Variants in TRIP12 observed in about 807,000 individuals in gnomAD.
TRIP12 encodes thyroid hormone receptor interactor 12.
Under a neutral mutation model 244.2 loss-of-function variants are expected in TRIP12, and 25 were observed. The observed-to-expected ratio is 0.10, with a 90% CI of 0.07 to 0.14. The LOEUF is 0.14. TRIP12 is among the 10% of genes least tolerant of loss of function. The pLI, the probability that TRIP12 is intolerant of heterozygous loss-of-function variation, is 1.00. For synonymous variants in TRIP12, 905 were observed against 873.1 expected, an observed-to-expected ratio of 1.04 and a Z score of -0.64; for missense variants, 1,677 against 2,486.4, an observed-to-expected ratio of 0.67 and a Z score of 6.92.
intron 1 of TRIP12, among the ~76,000 whole-genome samples, chr2:229,906,764 T>C (rs1287757149): frequency 6.6e-6 from 1 of 151,234 alleles, no homozygotes; most frequent in African/African-American, 2.4e-5. Flanking sequence ...ATTTATCCTC[T>C]AGCGATTAAA....
intron 18 of TRIP12, among the ~76,000 whole-genome samples, chr2:229,805,197 G>A (rs549202879): frequency 8.8e-6 from 1 of 113,308 alleles, no homozygotes; most frequent in Non-Finnish European, 2.0e-5. Flanking sequence ...GAGACACCAT[G>A]CCCAGCACTA....
chr2:229,774,648 C>G (rs866875760), intron 37 of TRIP12, among the ~76,000 whole-genome samples: 4 of 151,990 alleles, frequency 2.6e-5, no homozygotes, highest in Middle Eastern at 3.2e-3. Context: ...AAGTATACAG[C>G]CAATACTAAT....
In TRIP12 at chr2:229,829,833, T is replaced by C. The variant is rs540322088; in HGVS notation, c.1355-545A>G. On this transcript the variant is annotated intron_variant, in intron 7 of 41. Transcript: ENST00000675903. Reference sequence around the variant, plus strand: ...GTGCAGTGGCAGGCACCTGTAATTCTAGCTACTCAGGAGGATGAAGCAGGA... The same window carrying C: ...GTGCAGTGGCAGGCACCTGTAATTCCAGCTACTCAGGAGGATGAAGCAGGA... 7.2e-5 allele frequency among the ~76,000 whole-genome samples: 11 copies of C among 152,178 alleles called. No individual in the cohort carries two copies. In the East Asian group the frequency reaches 2.1e-3, roughly 29 times the overall value.
At chr2:229,881,587 CAT>C (rs1257450487) in intron 1 of TRIP12, among the ~76,000 whole-genome samples, 1 of 152,134 alleles carries the variant, frequency 6.6e-6, no homozygotes, top group Non-Finnish European at 1.5e-5. Flanking sequence ...GTTTCTATCA[CAT>C]ATGTCCAAAT....
upstream of TRIP12, chr2:229,922,451 C>T (rs1338485935): frequency 3.3e-6 from 5 of 1,537,350 alleles, no homozygotes; most frequent in East Asian, 6.7e-5. Context: ...GGTTTTGGCC[C>T]CTTGACCCCA....
rs1285034507 is a variant in TRIP12 at position 229,810,948 on chromosome 2, A to G, written c.2153T>C (p.Met718Thr). The G allele has an allele frequency of 1.9e-6, 3 of 1,614,154 alleles. No individual in the cohort carries two copies. The highest frequency in any genetic ancestry group is 2.2e-5 in the South Asian group (2 of 91,078). The change falls in exon 15 of 42, where the codon ATG becomes ACG. Residue 718 changes from methionine (M) to threonine (T), a missense_variant. Transcript: ENST00000675903. Reference protein sequence around the residue: ...PPILSSGMFIMVVRMFSLMCS... With the variant: ...PPILSSGMFITVVRMFSLMCS... Reference sequence around the variant, plus strand: ...CATCAGAGAAAACATGCGAACCACCATTATAAACATCCCAGAACTTAAAAT... The same window carrying G: ...CATCAGAGAAAACATGCGAACCACCGTTATAAACATCCCAGAACTTAAAAT...
intron 29 of TRIP12, among the ~76,000 whole-genome samples, chr2:229,791,454 AG>A (rs2041506403): frequency 2.0e-5 from 3 of 152,194 alleles, no homozygotes. Flanking sequence ...AGAAACTCCA[AG>A]GGTGGTTCTG....
chr2:229,774,857 C>T (rs2035729430), intron 37 of TRIP12, among the ~76,000 whole-genome samples: 1 of 151,568 alleles, frequency 6.6e-6, no homozygotes, highest in Non-Finnish European at 1.5e-5. Context: ...TCCAAGAAAT[C>T]CCTAAGAAAA....
intron 1 of TRIP12, among the ~76,000 whole-genome samples, chr2:229,914,532 A>G (rs777946330): frequency 1.3e-5 from 2 of 152,218 alleles, no homozygotes; most frequent in African/African-American, 2.4e-5. Context: ...TTACAACTGA[A>G]GAGAGAATTT....
chr2:229,893,499 T>C (rs1416410830), intron 1 of TRIP12, among the ~76,000 whole-genome samples: 1 of 151,860 alleles, frequency 6.6e-6, no homozygotes, highest in East Asian at 1.9e-4. Context: ...TCTAATTTTT[T>C]TTTTTTTACC....
chr2:229,871,649 A>G (rs938833418), intron 2 of TRIP12, among the ~76,000 whole-genome samples: 1 of 152,220 alleles, frequency 6.6e-6, no homozygotes, highest in African/African-American at 2.4e-5. Context: ...CCACAGAACC[A>G]TAAGCCAATT....
intron 9 of TRIP12, among the ~76,000 whole-genome samples, chr2:229,816,339 A>C (rs942633973): frequency 1.3e-5 from 2 of 151,982 alleles, no homozygotes; most frequent in Non-Finnish European, 2.9e-5. Flanking sequence ...AAAAAAAAAA[A>C]AACTATCAAA....
At chr2:229,823,579 C>T (rs551083042) in intron 8 of TRIP12, among the ~76,000 whole-genome samples, 3 of 151,398 alleles carry the variant, frequency 2.0e-5, no homozygotes, top group Admixed American at 6.6e-5. Context: ...GGGAGGTTGA[C>T]GCAGAAGAAT....
At chr2:229,875,998 G>A (rs114587280) in intron 2 of TRIP12, among the ~76,000 whole-genome samples, 2 of 152,332 alleles carry the variant, frequency 1.3e-5, no homozygotes, top group African/African-American at 4.8e-5. Flanking sequence ...TCTGGGTCAG[G>A]TGCAGTGGCT....
In TRIP12 at chr2:229,808,313, C is replaced by T; in HGVS notation, c.2278G>A (p.Glu760Lys). ...CTTCGTGGAACAAGATCAATCTGTT[C>T]CTGACAACTTCCATTGGAGGCACCA... The part of the protein sequence containing the change: ...LCGASNGSCQ[E>K]QIDLVPRSPQ... The change falls in exon 16 of 42, where the codon GAA (glutamate) becomes AAA (lysine). Residue 760 changes from glutamate to lysine, a missense_variant. Physicochemically the swap from Glu to Lys is moderately conservative, Grantham distance 56. Coordinates refer to ENST00000675903, the MANE Select transcript of TRIP12 (RefSeq NM_001348323.3). 1 of 1,613,912 alleles carries T rather than the reference C, an allele frequency of 6.2e-7. No homozygotes were observed. The highest frequency in any genetic ancestry group is 1.1e-5 in the South Asian group (1 of 91,072).
At position 229,778,149 on chromosome 2, in the gene TRIP12, T is replaced by C. The variant is rs894134717; in HGVS notation, c.5364+284A>G. ...ATAATTAATACCACCTTAACTTGCC[T>C]GATTATCTGAACCCTTGCTATCCAA... On this transcript the variant is annotated intron_variant, in intron 36 of 41. Coordinates refer to ENST00000675903, the MANE Select transcript of TRIP12 (RefSeq NM_001348323.3). The surrounding 1 kb of genome is among the most constrained non-coding windows in gnomAD (Gnocchi z 4.1). Among the ~76,000 whole-genome samples, 1 of 152,202 alleles carries C rather than the reference T, an allele frequency of 6.6e-6. No homozygotes were observed. The highest frequency in any genetic ancestry group is 6.5e-5 in the Admixed American group (1 of 15,280).
intron 2 of TRIP12, among the ~76,000 whole-genome samples, chr2:229,871,179 GAA>G (rs1285136887): frequency 2.4e-5 from 3 of 123,202 alleles, no homozygotes; most frequent in African/African-American, 6.0e-5. Flanking sequence ...GTCAAGAAAA[GAA>G]GAGAGGGGAG....
rs1163408528 is a variant in TRIP12, at chr2:229,864,004, A to AAGAGAGAGAGAGAG, written c.99-3487_99-3474dup. On this transcript the variant is annotated intron_variant, in intron 2 of 41. Transcript: ENST00000675903. ...AATTATAGCCCAAAGATTTGGGTGA[A>AAGAGAGAGAGAGAG]AGAGAGAGAGAGAGAGAGAGAGAGA... Among the ~76,000 whole-genome samples, 162 of 80,988 alleles carry AAGAGAGAGAGAGAG rather than the reference A, an allele frequency of 2.0e-3. 3 individuals are homozygous for AAGAGAGAGAGAGAG. Among genetic ancestry groups the AAGAGAGAGAGAGAG allele is most frequent in the South Asian group, 3.5e-3 (8 of 2,282 alleles). 53.1% of individuals were successfully genotyped at this position (80,988 alleles called of 152,430 possible). A position where few individuals can be genotyped will look rare whatever the true frequency, so the allele number is the denominator to read the frequency against.
At chr2:229,770,170 T>C (rs1036861131) in intron 39 of TRIP12, among the ~76,000 whole-genome samples, 2 of 152,166 alleles carry the variant, frequency 1.3e-5, no homozygotes, top group African/African-American at 2.4e-5. Context: ...GGTCTCACTA[T>C]GTTGCCCAGC....
Sources: gnomAD v4.1 joint callset for allele counts (sites outside exome capture counted in the v4.1 genomes callset) on GRCh38, gnomAD v4.1.1 for gene constraint, Gnocchi (gnomAD v3.1) non-coding constraint, MANE v1.5 for transcripts, NCBI Gene and HGNC (gene_info 2026-07-23, HGNC 2026-07-21) for gene names.